The following LRRIQ4 variants were observed in gnomAD, a reference collection of about 807,000 sequenced individuals.
The protein encoded by LRRIQ4 is leucine rich repeats and IQ motif containing 4.
LRRIQ4 carries 21 observed loss-of-function variants against 40.1 expected under a neutral mutation model. That is an observed-to-expected ratio of 0.52 (90% confidence interval 0.37 to 0.75). LRRIQ4 has a LOEUF of 0.75. LRRIQ4 is among the 30% of genes least tolerant of loss of function. The probability of loss-of-function intolerance (pLI) is 0.00; values close to 1 mark genes in which losing one functional copy is unlikely to be tolerated. For missense variants in LRRIQ4, 655 were observed against 660.0 expected, an observed-to-expected ratio of 0.99 and a Z score of 0.08; for synonymous variants, 277 against 277.1, an observed-to-expected ratio of 1.00 and a Z score of 0.00.
intron 1 of LRRIQ4, 23 bp from the exon 2 acceptor site, chr3:169,821,868 T>C: frequency 1.6e-6 from 2 of 1,268,054 alleles, no homozygotes; most frequent in South Asian, 4.8e-5. Flanking sequence ...CTATTTTTTT[T>C]CATCCTTTTC....
chr3:169,814,986 T>TG (rs1779734494), intron 1 of LRRIQ4, among the ~76,000 whole-genome samples: 1 of 152,252 alleles, frequency 6.6e-6, no homozygotes, highest in African/African-American at 2.4e-5. Flanking sequence ...TCTGTTCCAT[T>TG]GGTCTATGTA....
intron 1 of LRRIQ4, among the ~76,000 whole-genome samples, chr3:169,816,620 T>G (rs1012368991): frequency 2.0e-5 from 3 of 152,102 alleles, no homozygotes; most frequent in Non-Finnish European, 2.9e-5. Context: ...TGCATTGTTC[T>G]TTATTTTAAT....
At chr3:169,832,631 CAAAAA>C (rs3047516) in intron 4 of LRRIQ4, among the ~76,000 whole-genome samples, 5 of 67,362 alleles carry the variant, frequency 7.4e-5, no homozygotes, top group South Asian at 5.9e-4. Flanking sequence ...GACTCTGTCT[CAAAAA>C]AAAAAAAAAA....
intron 1 of LRRIQ4, among the ~76,000 whole-genome samples, chr3:169,819,379 G>T (rs543297583): frequency 6.6e-6 from 1 of 152,248 alleles, no homozygotes; most frequent in Non-Finnish European, 1.5e-5. Context: ...TTCTAAGCAG[G>T]TCTTATTATG....
In LRRIQ4 at chr3:169,822,008, C is replaced by T. The variant is rs1435376210; in HGVS notation, c.87C>T (p.Phe29=). ...AGCACGTCAATGATAGAACATTTTT[C>T]ATTGATGCCTCTAATCAGAGCTTGA... ...DPQHVNDRTF[F]IDASNQSLTA... is the part of the protein sequence containing the mutation. Residue 29 remains phenylalanine, a synonymous_variant, in exon 2 of 6, where the codon TTC becomes TTT. Transcript: ENST00000340806. The T allele has an allele frequency of 1.9e-6, 3 of 1,575,070 alleles. No homozygotes were observed. Among genetic ancestry groups the T allele is most frequent in the Admixed American group, 2.0e-5 (1 of 49,886 alleles).
rs117143012 is a variant in LRRIQ4 at position 169,814,377 on chromosome 3, G to C, written c.-32+1331G>C. Among the ~76,000 whole-genome samples the C allele has an allele frequency of 1.6e-4, 24 of 152,264 alleles. No individual in the cohort carries two copies. The East Asian group carries it at 4.2e-3, about 27-fold the overall frequency. ...CTGGTGCCTGTCGGTGTGCTCTTCTGCTCCTCTGTTCCTCTCAATGTCCAG... is the reference window on the plus strand; with the variant it reads ...CTGGTGCCTGTCGGTGTGCTCTTCTCCTCCTCTGTTCCTCTCAATGTCCAG... On this transcript the variant is annotated intron_variant, in intron 1 of 5. Coordinates refer to ENST00000340806, the MANE Select transcript of LRRIQ4 (RefSeq NM_001080460.3).
At chr3:169,826,806 C>A (rs1164934756) in intron 2 of LRRIQ4, among the ~76,000 whole-genome samples, 1 of 152,142 alleles carries the variant, frequency 6.6e-6, no homozygotes, top group Non-Finnish European at 1.5e-5. Flanking sequence ...AAGAGGAAAG[C>A]TTAAACATCA....
intron 2 of LRRIQ4, among the ~76,000 whole-genome samples, chr3:169,824,162 A>T (rs551826741): frequency 1.5e-4 from 23 of 152,288 alleles, no homozygotes; most frequent in Non-Finnish European, 3.1e-4. Context: ...TAAAATATTG[A>T]CTGGAAGAAA....
chr3:169,822,531 C>T lies in LRRIQ4; in HGVS notation c.610C>T (p.Pro204Ser), dbSNP rs978509178. Reference protein sequence around the residue: ...DLDENKIGAIPEEIGHLTGLQ... With the variant: ...DLDENKIGAISEEIGHLTGLQ... ...GGACGAGAACAAAATAGGTGCCATC[C>T]CAGAAGAGATCGGACACCTGACGGG... Residue 204 changes from proline (P) to serine (S), a missense_variant, in exon 2 of 6, where the codon CCA (proline) becomes TCA (serine). Coordinates refer to ENST00000340806, the MANE Select transcript of LRRIQ4 (RefSeq NM_001080460.3). 2 of 1,613,844 alleles carry T rather than the reference C, an allele frequency of 1.2e-6. No homozygotes were observed. The highest frequency in any genetic ancestry group is 2.7e-5 in the African/African-American group (2 of 74,928).
intron 1 of LRRIQ4, among the ~76,000 whole-genome samples, chr3:169,819,651 A>G (rs1779837939): frequency 6.6e-6 from 1 of 152,238 alleles, no homozygotes; most frequent in Admixed American, 6.5e-5. Context: ...TGTTCTGAGA[A>G]GAGCCCTTTT....
chr3:169,830,726 T>A, intron 4 of LRRIQ4, 96 bp downstream of exon 4: 1 of 1,444,782 alleles, frequency 6.9e-7, no homozygotes, highest in South Asian at 1.3e-5. Flanking sequence ...CCTATCTCAG[T>A]GTTCAGAGAA....
intron 3 of LRRIQ4, among the ~76,000 whole-genome samples, chr3:169,829,323 TC>T (rs1477258667): frequency 6.6e-6 from 1 of 152,172 alleles, no homozygotes; most frequent in Admixed American, 6.5e-5. Flanking sequence ...GCCCAGGATT[TC>T]CTGTAAGGGG....
At chr3:169,815,425 A>G (rs192368144) in intron 1 of LRRIQ4, among the ~76,000 whole-genome samples, 42 of 152,028 alleles carry the variant, frequency 2.8e-4, no homozygotes, top group East Asian at 5.8e-4. Context: ...TTATTTTCTT[A>G]CTTTTTCTGA....
chr3:169,814,308 C>T (rs1234072655), intron 1 of LRRIQ4, among the ~76,000 whole-genome samples: 2 of 130,850 alleles, frequency 1.5e-5, no homozygotes, highest in African/African-American at 5.7e-5. Flanking sequence ...AAATTCCCCT[C>T]GGTCTACACA....
intron 2 of LRRIQ4, among the ~76,000 whole-genome samples, chr3:169,824,087 TATATACATACACAC>T (rs1779982646): frequency 6.6e-6 from 1 of 152,190 alleles, no homozygotes; most frequent in South Asian, 2.1e-4. Flanking sequence ...CACATATATG[TATATACATACACAC>T]ATATACACAC....
At chr3:169,830,377 GAAA>G (rs56795981) in intron 3 of LRRIQ4, 112 bp from the exon 4 acceptor site, 1,654 of 105,638 alleles carry the variant, frequency 0.016, 3 homozygotes, top group Admixed American at 0.02. Flanking sequence ...CACTGAAAGT[GAAA>G]AAAAAAAAAA....
At chr3:169,836,928 A>G (rs148191122) in intron 5 of LRRIQ4, among the ~76,000 whole-genome samples, 25 of 152,312 alleles carry the variant, frequency 1.6e-4, no homozygotes, top group African/African-American at 5.8e-4. Flanking sequence ...TGTAAGCCAT[A>G]TAAGGACTTT....
chr3:169,814,957 T>A (rs376570465), intron 1 of LRRIQ4, among the ~76,000 whole-genome samples: 1 of 152,356 alleles, frequency 6.6e-6, no homozygotes, highest in East Asian at 1.9e-4. Flanking sequence ...GATGATGGAT[T>A]TATATCTGGG....
chr3:169,820,474 T>C (rs972581178), intron 1 of LRRIQ4, among the ~76,000 whole-genome samples: 6 of 152,070 alleles, frequency 3.9e-5, no homozygotes, highest in Admixed American at 1.3e-4. Context: ...AAAAAAAGTT[T>C]GCTAAAATTT....
Sources: gnomAD v4.1 joint callset for allele counts (sites outside exome capture counted in the v4.1 genomes callset) on GRCh38, gnomAD v4.1.1 for gene constraint, MANE v1.5 for transcripts, NCBI Gene and HGNC (gene_info 2026-07-23, HGNC 2026-07-21) for gene names.